DYNC1I1: variants seen among roughly 807,000 people sequenced by gnomAD.
The protein encoded by DYNC1I1 is dynein cytoplasmic 1 intermediate chain 1, also known as cytoplasmic dynein 1 intermediate chain 1.
DYNC1I1 carries 43 observed loss-of-function variants against 86.6 expected under a neutral mutation model. The observed-to-expected ratio is 0.50, with a 90% CI of 0.39 to 0.64. DYNC1I1 has a LOEUF of 0.64. Among genes scored for constraint, DYNC1I1 ranks in the 30% least tolerant of loss-of-function variants. The probability of loss-of-function intolerance (pLI) is 0.00; values close to 1 mark genes in which losing one functional copy is unlikely to be tolerated. For missense variants in DYNC1I1, 604 were observed against 788.8 expected (o/e 0.77, Z 2.81); for synonymous variants, 262 against 283.7 (o/e 0.92, Z 0.77).
intron 6 of DYNC1I1, among the ~76,000 whole-genome samples, chr7:95,916,875 A>G (rs1791484788): frequency 6.6e-6 from 1 of 152,186 alleles, no homozygotes. Context: ...AGAACGAGAA[A>G]ACTGTCTTAA....
intron 6 of DYNC1I1, among the ~76,000 whole-genome samples, chr7:95,918,141 C>T (rs1435784744): frequency 6.6e-6 from 1 of 152,130 alleles, no homozygotes; most frequent in Non-Finnish European, 1.5e-5. Context: ...CCTCCGTTTC[C>T]CTGTCTTCAA....
At chr7:95,945,617 ACACT>A (rs749688984) in intron 6 of DYNC1I1, among the ~76,000 whole-genome samples, 4 of 152,212 alleles carry the variant, frequency 2.6e-5, no homozygotes, top group Admixed American at 6.5e-5. Context: ...AGTTTCTGAA[ACACT>A]CAGTTCACAG....
intron 14 of DYNC1I1, among the ~76,000 whole-genome samples, chr7:96,053,655 G>T (rs976059595): frequency 6.6e-6 from 1 of 152,136 alleles, no homozygotes; most frequent in Non-Finnish European, 1.5e-5. Flanking sequence ...AGGAAAGTAT[G>T]TGTAGGCATA....
At chr7:96,087,801 T>A (rs973094086) in intron 16 of DYNC1I1, among the ~76,000 whole-genome samples, 5 of 152,208 alleles carry the variant, frequency 3.3e-5, no homozygotes, top group Non-Finnish European at 7.3e-5. Flanking sequence ...TGCTATTAAG[T>A]CAAGGGGCAC....
intron 5 of DYNC1I1, among the ~76,000 whole-genome samples, chr7:95,845,927 C>T (rs750540915): frequency 1.3e-5 from 2 of 152,148 alleles, no homozygotes; most frequent in Non-Finnish European, 2.9e-5. Flanking sequence ...AATTATAGGG[C>T]ATTTTCCATT....
At chr7:95,791,926 A>G (rs1794313734) in intron 1 of DYNC1I1, among the ~76,000 whole-genome samples, 1 of 152,228 alleles carries the variant, frequency 6.6e-6, no homozygotes, top group South Asian at 2.1e-4. Context: ...GATTTGTTGC[A>G]TAATGAGGAA....
intron 6 of DYNC1I1, among the ~76,000 whole-genome samples, chr7:95,907,797 A>AAT (rs750052480): frequency 2.2e-3 from 333 of 150,272 alleles, no homozygotes; most frequent in African/African-American, 7.2e-3. Context: ...TTGGTCTCAG[A>AAT]ATATATATAT....
At position 95,984,970 on chromosome 7, in the gene DYNC1I1, A is replaced by G. The variant is rs1049129897; in HGVS notation, c.736A>G (p.Lys246Glu). The stretch of plus-strand genomic sequence containing the variant: ...CTACAGCGGCCGAGAGTTAGAGGAA[A>G]AAGATGGGTTAGTCTCTTGTGTGCA... ...FDYSGRELEE[K>E]DGDVQAGANL... Residue 246 changes from lysine to glutamate, a missense_variant, in exon 8 of 17, where the codon AAA becomes GAA. By Grantham distance (56) the Lys-to-Glu change is moderately conservative. Transcript: ENST00000447467. The G allele has an allele frequency of 6.2e-6, 10 of 1,612,676 alleles. No homozygotes were observed. In the Admixed American group the frequency reaches 1.5e-4, roughly 24 times the overall value.
At position 95,993,531 on chromosome 7, in the gene DYNC1I1, T is replaced by G. The variant is rs150809115; in HGVS notation, c.844-2417T>G. 4.6e-3 allele frequency among the ~76,000 whole-genome samples: 700 copies of G among 152,270 alleles called. 11 individuals carry two copies. The highest frequency in any genetic ancestry group is 0.027 in the Admixed American group (409 of 15,300). ...GATGGACAGTCTGGAGACTTCTGTG[T>G]TTATCTGGATGTTAGTTTCTTTGAA... On this transcript the variant is annotated intron_variant, in intron 9 of 16. Transcript: ENST00000447467.
At chr7:96,049,537 C>T (rs1789333201) in intron 14 of DYNC1I1, among the ~76,000 whole-genome samples, 1 of 151,966 alleles carries the variant, frequency 6.6e-6, no homozygotes, top group South Asian at 2.1e-4. Context: ...TTGGAGTCAT[C>T]TTATCATTTA....
intron 16 of DYNC1I1, among the ~76,000 whole-genome samples, chr7:96,090,420 T>G (rs1440893161): frequency 6.6e-6 from 1 of 152,150 alleles, no homozygotes; most frequent in Non-Finnish European, 1.5e-5. Context: ...TTATTGAAAT[T>G]GATAGAGACC....
At chr7:95,912,996 C>A (rs185995354) in intron 6 of DYNC1I1, among the ~76,000 whole-genome samples, 49 of 152,242 alleles carry the variant, frequency 3.2e-4, no homozygotes, top group East Asian at 1.2e-3. Context: ...AGAAAGAAAG[C>A]AAGCTAGTTA....
chr7:95,774,415 CCCCCAG>C (rs1481712216), intron 1 of DYNC1I1, among the ~76,000 whole-genome samples: 1 of 152,174 alleles, frequency 6.6e-6, no homozygotes, highest in Non-Finnish European at 1.5e-5. Flanking sequence ...TCCTTCCCCA[CCCCCAG>C]CCTTTCCTCC....
At chr7:95,886,313 A>G (rs566430360) in intron 6 of DYNC1I1, among the ~76,000 whole-genome samples, 2 of 152,234 alleles carry the variant, frequency 1.3e-5, no homozygotes, top group African/African-American at 4.8e-5. Flanking sequence ...TCATGTCTGT[A>G]GTCCCAGCTA....
chr7:95,890,539 C>A (rs1790709715), intron 6 of DYNC1I1, among the ~76,000 whole-genome samples: 1 of 152,072 alleles, frequency 6.6e-6, no homozygotes, highest in African/African-American at 2.4e-5. Context: ...CCCTGTGACA[C>A]AAATTTACCC....
chr7:95,829,196 C>A (rs1045120414), intron 5 of DYNC1I1, among the ~76,000 whole-genome samples: 1 of 152,060 alleles, frequency 6.6e-6, no homozygotes, highest in Non-Finnish European at 1.5e-5. Flanking sequence ...CTGTCAGTTT[C>A]AATGCCTACT....
chr7:95,907,789 G>A (rs547202816), intron 6 of DYNC1I1, among the ~76,000 whole-genome samples: 1 of 135,468 alleles, frequency 7.4e-6, no homozygotes, highest in East Asian at 2.1e-4. Context: ...TTTTTTTTTT[G>A]GTCTCAGAAT....
At chr7:95,900,979 G>C (rs1202149165) in intron 6 of DYNC1I1, among the ~76,000 whole-genome samples, 1 of 152,154 alleles carries the variant, frequency 6.6e-6, no homozygotes, top group African/African-American at 2.4e-5. Context: ...TTTCTTATTT[G>C]GTTGTTTCTT....
chr7:95,983,717 C>T (rs922278056), intron 7 of DYNC1I1, among the ~76,000 whole-genome samples: 2 of 152,076 alleles, frequency 1.3e-5, no homozygotes, highest in Non-Finnish European at 2.9e-5. Context: ...AGGTGGAAAT[C>T]GATTTTGTTG....
Sources: gnomAD v4.1 joint callset for allele counts (sites outside exome capture counted in the v4.1 genomes callset) on GRCh38, gnomAD v4.1.1 for gene constraint, MANE v1.5 for transcripts, NCBI Gene and HGNC (gene_info 2026-07-23, HGNC 2026-07-21) for gene names.